CDYL: variants seen among roughly 807,000 people sequenced by gnomAD.
CDYL encodes the protein chromodomain Y-like protein.
Under a neutral mutation model 47.3 loss-of-function variants are expected in CDYL, and 8 were observed. The ratio of observed to expected loss-of-function variants is 0.17; its 90% CI spans 0.10 to 0.31. CDYL has a LOEUF of 0.31. Among genes scored for constraint, CDYL ranks in the 10% least tolerant of loss-of-function variants. CDYL has a pLI of 1.00. For synonymous variants in CDYL, 266 were observed against 265.0 expected (o/e 1.00, Z -0.04); for missense variants, 471 against 701.4 (o/e 0.67, Z 3.71).
intron 1 of CDYL, among the ~76,000 whole-genome samples, chr6:4,850,937 T>G (rs1373674711): frequency 6.6e-6 from 1 of 152,196 alleles, no homozygotes; most frequent in African/African-American, 2.4e-5. Context: ...TTTAAAAGTT[T>G]TTGATTACCA....
chr6:4,954,057 G>T lies in CDYL; in HGVS notation c.*1G>T, dbSNP rs762991905. On this transcript the variant is annotated 3_prime_UTR_variant, in exon 7 of 7. Transcript: ENST00000397588. The stretch of plus-strand genomic sequence containing the variant: ...GCAGAGGAAGATCGATGAGTTCTGA[G>T]TGTCGGGCTGCCCACTGGTGACACC... 1.2e-6 allele frequency: 2 copies of T among 1,612,782 alleles called. No individual in the cohort carries two copies. Among genetic ancestry groups the T allele is most frequent in the Admixed American group, 1.7e-5 (1 of 59,926 alleles).
intron 3 of CDYL, among the ~76,000 whole-genome samples, chr6:4,748,680 CAA>C (rs1491549200): frequency 2.0e-5 from 3 of 151,136 alleles, no homozygotes; most frequent in African/African-American, 4.9e-5. Context: ...CACACACACA[CAA>C]ACAAATTTTA....
chr6:4,943,728 T>C lies in CDYL; in HGVS notation c.1304T>C (p.Met435Thr), dbSNP rs767024470. The C allele has an allele frequency of 4.4e-6, 7 of 1,607,628 alleles. No individual in the cohort carries two copies. The highest frequency in any genetic ancestry group is 1.3e-5 in the African/African-American group (1 of 74,244). The change falls in exon 5 of 7, where the codon ATG (methionine) becomes ACG (threonine). Residue 435 changes from methionine to threonine, a missense_variant. Transcript: ENST00000397588. ...GQSPDGCSTV[M>T]FPKIMGGASA... ...AGTCCAGATGGCTGTTCTACCGTTA[T>C]GTTTCCCAAGATAATGGGAGGAGCA...
intron 1 of CDYL, among the ~76,000 whole-genome samples, chr6:4,813,848 A>C (rs1581183668): frequency 6.6e-6 from 1 of 151,630 alleles, no homozygotes; most frequent in South Asian, 2.1e-4. Flanking sequence ...ATTATGGCTC[A>C]CTGCAGCCAC....
chr6:4,813,272 C>A (rs752021081), intron 1 of CDYL, among the ~76,000 whole-genome samples: 2 of 152,236 alleles, frequency 1.3e-5, no homozygotes, highest in African/African-American at 2.4e-5. Context: ...TCTTCGCCTA[C>A]TGGAGTGCTT....
intron 2 of CDYL, among the ~76,000 whole-genome samples, chr6:4,926,484 G>A (rs945592804): frequency 2.4e-5 from 3 of 127,570 alleles, no homozygotes; most frequent in African/African-American, 1.1e-4. Flanking sequence ...AGACCCTTCT[G>A]CCTTGAAAAC....
In CDYL at chr6:4,892,375, G is replaced by A; in HGVS notation, c.687G>A (p.Gly229=). 6.2e-7 allele frequency: 1 copy of A among 1,605,044 alleles called. No homozygotes were observed. The highest frequency in any genetic ancestry group is 8.5e-7 in the Non-Finnish European group (1 of 1,174,888). ...TGGCCACAGGCTTAGCTGTTAACGG[G>A]AAAGGTGAGTGTCTAGGGAGCTGCT... ...AAMATGLAVN[G]KGTSPFMDAL... is the part of the protein sequence containing the mutation. The change falls in exon 2 of 7, where the codon GGG becomes GGA. Residue 229 remains glycine, a synonymous_variant. Coordinates refer to ENST00000397588, the MANE Select transcript of CDYL (RefSeq NM_004824.4).
chr6:4,748,656 G>GACACACACACACAC lies in CDYL; in HGVS notation c.186+13824_186+13837dup, dbSNP rs111349102. Among the ~76,000 whole-genome samples, 187 of 146,154 alleles carry GACACACACACACAC rather than the reference G, an allele frequency of 1.3e-3. 1 individual carries two copies. The highest frequency in any genetic ancestry group is 0.012 in the East Asian group (56 of 4,854). ...GTTGGATGGAGAGACTGATGGCAAA[G>GACACACACACACAC]ACACACACACACACACACACACACA... On this transcript the variant is annotated intron_variant, in intron 3 of 8. Coordinates refer to the CDYL transcript ENST00000328908.
At position 4,903,382 on chromosome 6, in the gene CDYL, A is replaced by T. The variant is rs186284148; in HGVS notation, c.691+11003A>T. On this transcript the variant is annotated intron_variant, in intron 2 of 6. Coordinates refer to ENST00000397588, the MANE Select transcript of CDYL (RefSeq NM_004824.4). ...TCCTAGTTTTTCTACTACCTGCCACATGGTAGGCGGCCACTAAACTGTGGA... is the reference window on the plus strand; with the variant it reads ...TCCTAGTTTTTCTACTACCTGCCACTTGGTAGGCGGCCACTAAACTGTGGA... Among the ~76,000 whole-genome samples the T allele has an allele frequency of 1.5e-4, 23 of 152,330 alleles. No homozygotes were observed. The East Asian group carries it at 3.9e-3, about 26-fold the overall frequency.
chr6:4,843,708 GA>G (rs1434583886), intron 1 of CDYL, among the ~76,000 whole-genome samples: 5 of 151,880 alleles, frequency 3.3e-5, no homozygotes, highest in African/African-American at 4.8e-5. Context: ...TTATTTCACT[GA>G]AGATTTTCTC....
chr6:4,890,124 A>G (rs1762002172), intron 1 of CDYL: 2 of 985,352 alleles, frequency 2.0e-6, no homozygotes, highest in Middle Eastern at 5.2e-4. Context: ...ACATTGATTT[A>G]AGGTGGGTTG....
chr6:4,776,188 A>G (rs1333536512), upstream of CDYL, among the ~76,000 whole-genome samples: 11 of 1,202 alleles, frequency 9.2e-3, no homozygotes, highest in South Asian at 0.029. Context: ...CCCGCCCCCG[A>G]CTGCCCCGCT....
chr6:4,739,348 T>C (rs1389074106), intron 3 of CDYL, among the ~76,000 whole-genome samples: 1 of 151,158 alleles, frequency 6.6e-6, no homozygotes, highest in Non-Finnish European at 1.5e-5. Context: ...CAAAACCCTG[T>C]TTCTACTAAA....
intron 3 of CDYL, among the ~76,000 whole-genome samples, chr6:4,743,747 T>C (rs1757837503): frequency 6.6e-6 from 1 of 152,218 alleles, no homozygotes; most frequent in African/African-American, 2.4e-5. Context: ...TAGGATAAGG[T>C]TTAGTTGCAT....
At chr6:4,851,713 C>G (rs977126576) in intron 1 of CDYL, among the ~76,000 whole-genome samples, 3 of 152,212 alleles carry the variant, frequency 2.0e-5, no homozygotes, top group Non-Finnish European at 2.9e-5. Flanking sequence ...CGCAACAATC[C>G]CTGATCGTGG....
intron 1 of CDYL, among the ~76,000 whole-genome samples, chr6:4,859,544 C>G (rs1292761591): frequency 6.6e-6 from 1 of 152,128 alleles, no homozygotes. Context: ...GGGTGGCAGC[C>G]TTGCCTTTGA....
At chr6:4,823,491 C>T (rs1759895789) in intron 1 of CDYL, among the ~76,000 whole-genome samples, 1 of 152,214 alleles carries the variant, frequency 6.6e-6, no homozygotes, top group South Asian at 2.1e-4. Flanking sequence ...TGTAACCTAA[C>T]ATTTGCCATT....
intron 1 of CDYL, among the ~76,000 whole-genome samples, chr6:4,817,355 T>TA (rs199750829): frequency 0.12 from 17,072 of 140,568 alleles, 999 homozygotes; most frequent in South Asian, 0.18. Flanking sequence ...TTAAGAGAAT[T>TA]AAAAAAAAAA....
intron 3 of CDYL, among the ~76,000 whole-genome samples, chr6:4,750,998 A>G (rs748015707): frequency 1.1e-4 from 17 of 151,080 alleles, no homozygotes; most frequent in East Asian, 9.8e-4. Context: ...GACTACAGGC[A>G]CCCGCCACCA....
Sources: gnomAD v4.1 joint callset for allele counts (sites outside exome capture counted in the v4.1 genomes callset) on GRCh38, gnomAD v4.1.1 for gene constraint, MANE v1.5 for transcripts, NCBI Gene and HGNC (gene_info 2026-07-23, HGNC 2026-07-21) for gene names.